PTPRQ: variants seen among roughly 807,000 people sequenced by gnomAD.
The protein encoded by PTPRQ is phosphatidylinositol phosphatase PTPRQ.
Under a neutral mutation model 246.0 loss-of-function variants are expected in PTPRQ, and 199 were observed. The observed-to-expected ratio is 0.81, with a 90% CI of 0.72 to 0.91. The LOEUF (loss-of-function observed/expected upper bound fraction) is 0.91. Ranked by LOEUF, PTPRQ falls within the 40% of genes least tolerant of loss-of-function variation. The pLI, the probability that PTPRQ is intolerant of heterozygous loss-of-function variation, is 0.00. For missense variants in PTPRQ, 2,624 were observed against 2,528.4 expected, an observed-to-expected ratio of 1.04 and a Z score of -0.81; for synonymous variants, 869 against 853.2, an observed-to-expected ratio of 1.02 and a Z score of -0.32.
chr12:80,470,794 G>T (rs1488588105), intron 7 of PTPRQ, among the ~76,000 whole-genome samples: 1 of 152,114 alleles, frequency 6.6e-6, no homozygotes, highest in Non-Finnish European at 1.5e-5. Flanking sequence ...TGGATTTAAA[G>T]AATTATCAGT....
At chr12:80,619,885 C>G (rs1380817298) in intron 31 of PTPRQ, among the ~76,000 whole-genome samples, 1 of 151,384 alleles carries the variant, frequency 6.6e-6, no homozygotes, top group African/African-American at 2.4e-5. Context: ...TTGATAGCTT[C>G]TTTGGAGGGG....
At chr12:80,483,420 A>G (rs1470987652) in intron 8 of PTPRQ, among the ~76,000 whole-genome samples, 1 of 145,884 alleles carries the variant, frequency 6.9e-6, no homozygotes, top group Non-Finnish European at 1.5e-5. Context: ...AGATATACCT[A>G]ATGCTAGATG....
At chr12:80,538,767 GT>G (rs922112477) in intron 19 of PTPRQ, among the ~76,000 whole-genome samples, 42 of 145,958 alleles carry the variant, frequency 2.9e-4, no homozygotes, top group African/African-American at 6.4e-4. Context: ...ACTAATTACT[GT>G]TTTTTTTTAA....
chr12:80,523,524 A>G (rs1303645311), intron 17 of PTPRQ, among the ~76,000 whole-genome samples: 1 of 152,252 alleles, frequency 6.6e-6, no homozygotes, highest in Admixed American at 6.5e-5. Flanking sequence ...TTCCCTCTAC[A>G]CACTGCTTTG....
chr12:80,550,040 A>G (rs1452525751), intron 25 of PTPRQ, among the ~76,000 whole-genome samples: 2 of 152,064 alleles, frequency 1.3e-5, no homozygotes, highest in African/African-American at 4.8e-5. Context: ...GAAGAAATAA[A>G]CATGTAAACC....
intron 26 of PTPRQ, among the ~76,000 whole-genome samples, chr12:80,604,090 G>A (rs1375144975): frequency 6.6e-6 from 1 of 151,462 alleles, no homozygotes; most frequent in African/African-American, 2.4e-5. Flanking sequence ...TTGAGGAAAG[G>A]AATATTTCAT....
At position 80,642,936 on chromosome 12, in the gene PTPRQ, A is replaced by AAACAAAC. The variant is rs1565837023; in HGVS notation, c.5916-5959_5916-5958insCAAACAA. 1.3e-3 allele frequency among the ~76,000 whole-genome samples: 196 copies of AAACAAAC among 148,354 alleles called. 2 individuals are homozygous for AAACAAAC. The highest frequency in any genetic ancestry group is 5.6e-3 in the Admixed American group (84 of 15,002). ...CTCCGTCTTAAAAAAAAAAAAAAAA[A>AAACAAAC]AAAAAAAAAACAATTGAGTATCTCT... On this transcript the variant is annotated intron_variant, in intron 35 of 44. Transcript: ENST00000644991.
At chr12:80,482,754 A>T (rs1894116182) in intron 8 of PTPRQ, among the ~76,000 whole-genome samples, 1 of 151,390 alleles carries the variant, frequency 6.6e-6, no homozygotes, top group Non-Finnish European at 1.5e-5. Flanking sequence ...ACATTTATGC[A>T]GCCAAAAGAC....
chr12:80,595,962 T>A (rs778893552), intron 26 of PTPRQ, among the ~76,000 whole-genome samples: 60 of 152,082 alleles, frequency 3.9e-4, no homozygotes, highest in Non-Finnish European at 1.8e-4. Flanking sequence ...AGGAAATAAT[T>A]ATTGCATTTA....
chr12:80,673,806 G>A (rs1901050192), intron 43 of PTPRQ, among the ~76,000 whole-genome samples: 1 of 151,902 alleles, frequency 6.6e-6, no homozygotes, highest in Admixed American at 6.6e-5. Context: ...TTTGTTTGTT[G>A]TTTTGGCTTA....
In PTPRQ at chr12:80,494,986, G is replaced by A; in HGVS notation, c.1594G>A (p.Val532Ile). 1.9e-6 allele frequency: 3 copies of A among 1,550,234 alleles called. No individual in the cohort carries two copies. The highest frequency in any genetic ancestry group is 2.0e-5 in the Admixed American group (1 of 50,922). ...CATTGCAGCTGAACAGCTGTCTTAT[G>A]TTATCAGGAGACTTGTACCTTTCAC... Reference protein sequence around the residue: ...TDIAAEQLSYVIRRLVPFTEH... With the variant: ...TDIAAEQLSYIIRRLVPFTEH... The change falls in exon 11 of 45, where the codon GTT becomes ATT. Residue 532 changes from valine (V) to isoleucine (I), a missense_variant. Transcript: ENST00000644991.
At chr12:80,616,164 C>T (rs1392887556) in intron 29 of PTPRQ, 36 bp from the exon 30 acceptor site, 13 of 1,425,452 alleles carry the variant, frequency 9.1e-6, no homozygotes, top group African/African-American at 1.5e-5. Context: ...CATAAGCAAT[C>T]ACTTGAAAAT....
chr12:80,520,914 T>C (rs1391010116), intron 17 of PTPRQ, among the ~76,000 whole-genome samples: 2 of 149,896 alleles, frequency 1.3e-5, no homozygotes, highest in Non-Finnish European at 3.0e-5. Flanking sequence ...TTTCTAGTTC[T>C]AGATCCCTGA....
chr12:80,606,717 T>C (rs1412449668), intron 27 of PTPRQ, among the ~76,000 whole-genome samples: 2 of 150,954 alleles, frequency 1.3e-5, no homozygotes. Context: ...AGACCTGTCA[T>C]CATTAAAATA....
At chr12:80,670,218 C>T (rs761432407) in intron 41 of PTPRQ, 126 bp from the exon 42 acceptor site, 319 of 1,345,606 alleles carry the variant, frequency 2.4e-4, no homozygotes, top group Non-Finnish European at 3.1e-4. Context: ...ATAATGAAAA[C>T]ATTTTATTTG....
chr12:80,584,400 C>T (rs1306643083), intron 25 of PTPRQ, among the ~76,000 whole-genome samples: 1 of 152,174 alleles, frequency 6.6e-6, no homozygotes, highest in Non-Finnish European at 1.5e-5. Flanking sequence ...CTGTTGCTAT[C>T]ACCTAATTTC....
At chr12:80,586,873 A>G (rs1897638009) in intron 25 of PTPRQ, 1 of 152,202 alleles carries the variant, frequency 6.6e-6, no homozygotes. Context: ...ACATTGTGTT[A>G]GGTATTGTAA....
chr12:80,554,346 A>G (rs565928940), intron 25 of PTPRQ, among the ~76,000 whole-genome samples: 1 of 152,294 alleles, frequency 6.6e-6, no homozygotes, highest in African/African-American at 2.4e-5. Flanking sequence ...TACACCTACT[A>G]TGTACCCATA....
chr12:80,645,883 T>C (rs1900055293), intron 35 of PTPRQ, among the ~76,000 whole-genome samples: 1 of 152,036 alleles, frequency 6.6e-6, no homozygotes. Flanking sequence ...ATGTCAGAAA[T>C]GTGGGCATGG....
Sources: gnomAD v4.1 joint callset for allele counts (sites outside exome capture counted in the v4.1 genomes callset) on GRCh38, gnomAD v4.1.1 for gene constraint, MANE v1.5 for transcripts, NCBI Gene and HGNC (gene_info 2026-07-23, HGNC 2026-07-21) for gene names.